PTPRG: variants seen among roughly 807,000 people sequenced by gnomAD.
The protein encoded by PTPRG is receptor-type tyrosine-protein phosphatase gamma.
A neutral mutation model predicts 165.3 loss-of-function variants in PTPRG; 102 were observed. That is an observed-to-expected ratio of 0.62 (90% CI 0.53 to 0.73). The LOEUF is 0.73. Among genes scored for constraint, PTPRG ranks in the 30% least tolerant of loss-of-function variants. The pLI is 0.00. For missense variants in PTPRG, 1,866 were observed against 1,861.4 expected (o/e 1.00, Z -0.05); for synonymous variants, 675 against 669.5 (o/e 1.01, Z -0.13).
At chr3:61,566,329 C>T (rs180944729) in intron 1 of PTPRG, among the ~76,000 whole-genome samples, 76 of 152,288 alleles carry the variant, frequency 5.0e-4, no homozygotes, top group African/African-American at 1.8e-3. Flanking sequence ...AACAAACAGC[C>T]CTTTCAGATT....
At chr3:62,002,848 C>T (rs1286505860) in intron 3 of PTPRG, among the ~76,000 whole-genome samples, 4 of 152,154 alleles carry the variant, frequency 2.6e-5, no homozygotes, top group Non-Finnish European at 4.4e-5. Context: ...ATTGGAAGCA[C>T]CCACAAATTT....
intron 2 of PTPRG, among the ~76,000 whole-genome samples, chr3:61,866,708 C>T (rs1414184174): frequency 6.8e-6 from 1 of 146,724 alleles, no homozygotes; most frequent in Non-Finnish European, 1.5e-5. Context: ...AAGCGATTCT[C>T]CTGCCTCCGC....
intron 4 of PTPRG, among the ~76,000 whole-genome samples, chr3:62,050,499 C>A (rs1227357684): frequency 2.6e-5 from 4 of 152,200 alleles, no homozygotes; most frequent in Non-Finnish European, 4.4e-5. Flanking sequence ...CAGAACATAT[C>A]CCTGTTGTTA....
chr3:62,019,602 C>G (rs2107757017), intron 4 of PTPRG, among the ~76,000 whole-genome samples: 2 of 150,146 alleles, frequency 1.3e-5, no homozygotes, highest in African/African-American at 4.9e-5. Context: ...TAATGAATGA[C>G]AATGTATACT....
At chr3:61,575,026 G>A (rs559279767) in intron 1 of PTPRG, among the ~76,000 whole-genome samples, 1 of 152,342 alleles carries the variant, frequency 6.6e-6, no homozygotes, top group Admixed American at 6.5e-5. Context: ...GCACCACCAT[G>A]TTGAGGATCA....
intron 1 of PTPRG, among the ~76,000 whole-genome samples, chr3:61,597,334 C>G (rs1443751319): frequency 6.6e-6 from 1 of 152,090 alleles, no homozygotes; most frequent in African/African-American, 2.4e-5. Flanking sequence ...CTGTGGATAC[C>G]AAAATTTGCA....
chr3:62,093,960 C>T (rs1031203271), intron 5 of PTPRG, among the ~76,000 whole-genome samples: 1 of 152,190 alleles, frequency 6.6e-6, no homozygotes, highest in Non-Finnish European at 1.5e-5. Context: ...TACCTTCTCT[C>T]TTCCTTTTCC....
chr3:61,590,385 G>C (rs542277622), intron 1 of PTPRG, among the ~76,000 whole-genome samples: 1 of 152,184 alleles, frequency 6.6e-6, no homozygotes, highest in East Asian at 1.9e-4. Flanking sequence ...ATTAGCTGGC[G>C]TAGTGGCACG....
intron 2 of PTPRG, among the ~76,000 whole-genome samples, chr3:61,888,568 C>G (rs575537667): frequency 5.3e-5 from 8 of 152,020 alleles, no homozygotes; most frequent in African/African-American, 1.9e-4. Flanking sequence ...CCTGACCTTG[C>G]GATCCGCCCG....
chr3:61,745,051 C>CTATTTTTT (rs2033143646), intron 1 of PTPRG, among the ~76,000 whole-genome samples: 1 of 111,626 alleles, frequency 9.0e-6, no homozygotes, highest in East Asian at 2.5e-4. Context: ...CATTCCCTCA[C>CTATTTTTT]TTTTTTTTTT....
At chr3:61,577,986 G>A (rs1700203995) in intron 1 of PTPRG, among the ~76,000 whole-genome samples, 1 of 152,208 alleles carries the variant, frequency 6.6e-6, no homozygotes, top group African/African-American at 2.4e-5. Flanking sequence ...TGAGGTTGTT[G>A]GAGGAGTAAA....
chr3:61,792,721 TTTCTTTCTTTCTTTCTTTCTTTCTTTG>T (rs1487121310), intron 2 of PTPRG, among the ~76,000 whole-genome samples: 2 of 90,118 alleles, frequency 2.2e-5, no homozygotes, highest in Admixed American at 1.1e-4. Context: ...TCTTTCTTTC[TTTCTTTCTTTCTTTCTTTCTTTCTTTG>T]AGATGGAGTC....
chr3:61,881,407 C>T (rs1191877711), intron 2 of PTPRG, among the ~76,000 whole-genome samples: 1 of 152,036 alleles, frequency 6.6e-6, no homozygotes, highest in Non-Finnish European at 1.5e-5. Context: ...AGGTAGAATC[C>T]CAGGTGGTGA....
intron 5 of PTPRG, chr3:62,118,257 G>A (rs1306357556): frequency 6.6e-6 from 1 of 152,216 alleles, no homozygotes; most frequent in African/African-American, 2.4e-5. Context: ...GCTTGATTGT[G>A]GTTTTGTAGC....
chr3:61,703,430 TC>T (rs2031083484), intron 1 of PTPRG, among the ~76,000 whole-genome samples: 1 of 152,166 alleles, frequency 6.6e-6, no homozygotes, highest in Non-Finnish European at 1.5e-5. Context: ...TGACATTTTT[TC>T]TCTTTTGGCT....
intron 16 of PTPRG, chr3:62,262,585 G>T: frequency 2.4e-6 from 1 of 409,968 alleles, no homozygotes; most frequent in Non-Finnish European, 4.3e-6. Flanking sequence ...AAAAGTAGAT[G>T]ATTGATGAAA....
chr3:62,085,052 C>G (rs1306704911), intron 5 of PTPRG, among the ~76,000 whole-genome samples: 1 of 152,220 alleles, frequency 6.6e-6, no homozygotes, highest in Non-Finnish European at 1.5e-5. Context: ...TATAAACTCT[C>G]TGAAGTTGAA....
chr3:62,222,998 G>C lies in PTPRG; in HGVS notation c.2288+4015G>C, dbSNP rs1455507486. Among the ~76,000 whole-genome samples, 1 of 152,128 alleles carries C rather than the reference G, an allele frequency of 6.6e-6. No individual in the cohort carries two copies. Among genetic ancestry groups the C allele is most frequent in the Non-Finnish European group, 1.5e-5 (1 of 68,030 alleles). ...GGTTGGGGTCAGGGAAAGCTCCCTG[G>C]AGGACCTGGGCCTTGAACCACAACC... On this transcript the variant is annotated intron_variant, in intron 13 of 29. Transcript: ENST00000474889. This position sits in a 1 kb window ranked among gnomAD's most constrained non-coding sequence, Gnocchi z 4.5.
intron 1 of PTPRG, among the ~76,000 whole-genome samples, chr3:61,736,163 CT>C (rs1000954793): frequency 3.3e-5 from 5 of 151,782 alleles, no homozygotes; most frequent in African/African-American, 1.2e-4. Flanking sequence ...CTGCCTCAGC[CT>C]CCCAAAGTGC....
Sources: gnomAD v4.1 joint callset for allele counts (sites outside exome capture counted in the v4.1 genomes callset) on GRCh38, gnomAD v4.1.1 for gene constraint, Gnocchi (gnomAD v3.1) non-coding constraint, MANE v1.5 for transcripts, NCBI Gene and HGNC (gene_info 2026-07-23, HGNC 2026-07-21) for gene names.